Variants in CA3 observed in about 807,000 individuals in gnomAD.
CA3 encodes CA-III.
In CA3, 30 loss-of-function variants were observed where a neutral mutation model predicts 35.7. That is an observed-to-expected ratio of 0.84 (90% CI 0.63 to 1.14). CA3 has a LOEUF of 1.14. Among genes scored for constraint, CA3 ranks in the 50% most tolerant of loss-of-function variants. The pLI, the probability that CA3 is intolerant of heterozygous loss-of-function variation, is 0.00. For missense variants in CA3, 295 were observed against 328.5 expected (o/e 0.90, Z 0.79); for synonymous variants, 131 against 130.8 (o/e 1.00, Z -0.01).
In CA3 at chr8:85,439,992, A is replaced by T. The variant is rs188075970; in HGVS notation, c.232+83A>T. The T allele has an allele frequency of 4.9e-3, 4,998 of 1,012,526 alleles. 21 individuals carry two copies. Among genetic ancestry groups the T allele is most frequent in the Non-Finnish European group, 6.8e-3 (4,457 of 659,674 alleles). 62.7% of individuals were successfully genotyped at this position (1,012,526 alleles called of 1,614,324 possible). A position where few individuals can be genotyped will look rare whatever the true frequency, so the allele number is the denominator to read the frequency against. ...ATGTGGTTTATGACACAGTACCAGA[A>T]TTAATGGGGAGAGGGAGCACTTTAT... On this transcript the variant is annotated intron_variant, in intron 2 of 6. Transcript: ENST00000285381.
chr8:85,441,302 G>T (rs141199683), intron 2 of CA3, among the ~76,000 whole-genome samples: 2 of 152,238 alleles, frequency 1.3e-5, no homozygotes, highest in African/African-American at 4.8e-5. Flanking sequence ...CTCTGCAATG[G>T]GTTGAGATGT....
chr8:85,438,970 C>G, intron 1 of CA3, 27 bp downstream of exon 1: 1 of 1,550,718 alleles, frequency 6.4e-7, no homozygotes, highest in South Asian at 1.2e-5. Flanking sequence ...GCGACCCGGC[C>G]AGGAAGGGAT....
At chr8:85,447,248 GAAAA>G (rs1316471552) in intron 6 of CA3, among the ~76,000 whole-genome samples, 1 of 151,824 alleles carries the variant, frequency 6.6e-6, no homozygotes, top group Non-Finnish European at 1.5e-5. Context: ...CTTTAAGAAA[GAAAA>G]GTCAATTTAA....
chr8:85,440,570 A>G (rs917425828), intron 2 of CA3, among the ~76,000 whole-genome samples: 6 of 152,232 alleles, frequency 3.9e-5, no homozygotes, highest in African/African-American at 1.4e-4. Flanking sequence ...TTTCACCTAC[A>G]CTAGTAAGCA....
chr8:85,440,509 G>T (rs1811193006), intron 2 of CA3, among the ~76,000 whole-genome samples: 1 of 152,136 alleles, frequency 6.6e-6, no homozygotes, highest in Non-Finnish European at 1.5e-5. Flanking sequence ...AGTAGTTTGT[G>T]TGTGAGACAG....
rs536129973 is a variant in CA3 at position 85,443,086 on chromosome 8, A to ATG, written c.351+905_351+906dup. Among the ~76,000 whole-genome samples the ATG allele has an allele frequency of 1.1e-4, 17 of 152,314 alleles. No homozygotes were observed. In the South Asian group the frequency reaches 3.5e-3, roughly 32 times the overall value. ...CTCTTAATGAACCGTGTGCATATAT[A>ATG]TGTGTGTGTGTATATCTATATATAC... On this transcript the variant is annotated intron_variant, in intron 3 of 6. Coordinates refer to ENST00000285381, the MANE Select transcript of CA3 (RefSeq NM_005181.4).
Position 85,444,119 on chromosome 8 carries a change from T to C in CA3, c.437T>C (p.Phe146Ser). The C allele has an allele frequency of 2.5e-6, 4 of 1,606,340 alleles. No individual in the cohort carries two copies. Among genetic ancestry groups the C allele is most frequent in the Non-Finnish European group, 3.4e-6 (4 of 1,172,934 alleles). ...QRDGIAVIGI[F>S]LKIGHENGEF... Reference sequence around the variant, plus strand: ...GATGGGATCGCTGTGATTGGCATTTTTCTGAAGGTAAAGTAAAAATTGACT... The same window carrying C: ...GATGGGATCGCTGTGATTGGCATTTCTCTGAAGGTAAAGTAAAAATTGACT... Residue 146 changes from phenylalanine (F) to serine (S), a missense_variant, in exon 4 of 7, where the codon TTT becomes TCT. Physicochemically the swap from Phe to Ser is radical, Grantham distance 155 (BLOSUM62 -2). Coordinates refer to ENST00000285381, the MANE Select transcript of CA3 (RefSeq NM_005181.4).
At chr8:85,442,617 G>A (rs1023502799) in intron 3 of CA3, among the ~76,000 whole-genome samples, 1 of 152,160 alleles carries the variant, frequency 6.6e-6, no homozygotes, top group African/African-American at 2.4e-5. Flanking sequence ...GGAGGCTGAG[G>A]TGGGAGGATC....
At chr8:85,446,366 A>G (rs1283692217) in intron 6 of CA3, 69 bp downstream of exon 6, 4 of 1,522,698 alleles carry the variant, frequency 2.6e-6, no homozygotes, top group Admixed American at 1.8e-5. Flanking sequence ...TGCTAAATCA[A>G]AAATACATAG....
rs1391033254 is a variant in CA3, at chr8:85,439,839, C to T, written c.162C>T (p.Gly54=). ...CATGGTCTGTGTCTTATGATGGTGG[C>T]TCTGCCAAGACCATCCTGAATAATG... ...LQPWSVSYDG[G]SAKTILNNGK... is the part of the protein sequence containing the mutation. The change falls in exon 2 of 7, where the codon GGC becomes GGT. Residue 54 remains glycine, a synonymous_variant. Coordinates refer to ENST00000285381, the MANE Select transcript of CA3 (RefSeq NM_005181.4). 4 of 1,613,868 alleles carry T rather than the reference C, an allele frequency of 2.5e-6. No individual in the cohort carries two copies. The highest frequency in any genetic ancestry group is 2.7e-5 in the African/African-American group (2 of 74,910).
chr8:85,445,300 C>A, intron 5 of CA3, 82 bp downstream of exon 5: 2 of 889,148 alleles, frequency 2.2e-6, no homozygotes, highest in Non-Finnish European at 3.5e-6. Context: ...ATTTTTTTCA[C>A]CTAAAATCTG....
In CA3 at chr8:85,446,005, G is replaced by T; in HGVS notation, c.508-137G>T. The T allele has an allele frequency of 7.6e-6, 6 of 793,638 alleles. No individual in the cohort carries two copies. In the South Asian group the frequency reaches 1.3e-4, roughly 17 times the overall value. 49.2% of individuals were successfully genotyped at this position (793,638 alleles called of 1,614,324 possible). A position where few individuals can be genotyped will look rare whatever the true frequency, so the allele number is the denominator to read the frequency against. ...CTGCTTTGATCTTTATTTCTGAAAGGCTTATACTTTGTTTAGAAGTTCTAT... is the reference window on the plus strand; with the variant it reads ...CTGCTTTGATCTTTATTTCTGAAAGTCTTATACTTTGTTTAGAAGTTCTAT... On this transcript the variant is annotated intron_variant, in intron 5 of 6. Coordinates refer to ENST00000285381, the MANE Select transcript of CA3 (RefSeq NM_005181.4).
In CA3 at chr8:85,448,281, A is replaced by T; in HGVS notation, c.*128A>T. 1 of 903,336 alleles carries T rather than the reference A, an allele frequency of 1.1e-6. No individual in the cohort carries two copies. The highest frequency in any genetic ancestry group is 1.6e-6 in the Non-Finnish European group (1 of 635,908). 56.0% of individuals were successfully genotyped at this position (903,336 alleles called of 1,614,324 possible). Reference sequence around the variant, plus strand: ...CCACACTGAGCAATGAATGTGAGAGATGTGGTCACCAAGATCTAAGTTACT... The same window carrying T: ...CCACACTGAGCAATGAATGTGAGAGTTGTGGTCACCAAGATCTAAGTTACT... On this transcript the variant is annotated 3_prime_UTR_variant, in exon 7 of 7. Transcript: ENST00000285381.
chr8:85,448,222 C>G lies in CA3; in HGVS notation c.*69C>G. 6.9e-7 allele frequency: 1 copy of G among 1,442,612 alleles called. No homozygotes were observed. Among genetic ancestry groups the G allele is most frequent in the Non-Finnish European group, 9.2e-7 (1 of 1,084,066 alleles). The allele number at this position is 1,442,612 out of a possible 1,614,324, so 89.4% of individuals were successfully genotyped here. ...GGAGAGCTTGGTTCCTTGCCTCCTT[C>G]TGGTGCTCCTTACTCCAAGTCTATT... On this transcript the variant is annotated 3_prime_UTR_variant, in exon 7 of 7. Coordinates refer to ENST00000285381, the MANE Select transcript of CA3 (RefSeq NM_005181.4).
chr8:85,446,101 C>G, intron 5 of CA3, 41 bp from the exon 6 acceptor site: 1 of 1,532,382 alleles, frequency 6.5e-7, no homozygotes, highest in South Asian at 1.2e-5. Flanking sequence ...TGGGCATGTG[C>G]ATGCATGCAC....
In CA3 at chr8:85,444,122, T is replaced by A; in HGVS notation, c.440T>A (p.Leu147Gln). Residue 147 changes from leucine to glutamine, a missense_variant, in exon 4 of 7, where the codon CTG becomes CAG. Transcript: ENST00000285381. ...RDGIAVIGIF[L>Q]KIGHENGEFQ... The stretch of plus-strand genomic sequence containing the variant: ...GGGATCGCTGTGATTGGCATTTTTC[T>A]GAAGGTAAAGTAAAAATTGACTATA... 6.2e-7 allele frequency: 1 copy of A among 1,603,826 alleles called. No homozygotes were observed.
chr8:85,438,935 G>A lies in CA3; in HGVS notation c.26G>A (p.Ser9Asn), dbSNP rs952398912. 6.4e-7 allele frequency: 1 copy of A among 1,551,244 alleles called. No individual in the cohort carries two copies. The highest frequency in any genetic ancestry group is 8.7e-7 in the Non-Finnish European group (1 of 1,146,984). Residue 9 changes from serine to asparagine, a missense_variant, in exon 1 of 7, where the codon AGT becomes AAT. Coordinates refer to ENST00000285381, the MANE Select transcript of CA3 (RefSeq NM_005181.4). MAKEWGYA[S>N]HNGPDHWHEL... ...ATGGCCAAGGAGTGGGGCTACGCCA[G>A]TCACAACGGTGAGTGCAGGCAGCCG...
chr8:85,440,347 C>T (rs1811190527), intron 2 of CA3, among the ~76,000 whole-genome samples: 2 of 152,214 alleles, frequency 1.3e-5, no homozygotes, highest in East Asian at 3.8e-4. Flanking sequence ...TAGGCACTTT[C>T]TTCCCTTGGT....
intron 3 of CA3, among the ~76,000 whole-genome samples, chr8:85,443,522 T>C (rs1707319015): frequency 6.6e-6 from 1 of 152,188 alleles, no homozygotes; most frequent in Non-Finnish European, 1.5e-5. Flanking sequence ...TTACAGCCAA[T>C]CTAGAGAGCC....
Sources: allele counts gnomAD v4.1 joint callset (sites outside exome capture counted in the v4.1 genomes callset), GRCh38; gene constraint gnomAD v4.1.1; transcripts MANE v1.5; gene names NCBI Gene and HGNC (gene_info 2026-07-23, HGNC 2026-07-21).